SLC17A1: variants seen among roughly 807,000 people sequenced by gnomAD.
The protein encoded by SLC17A1 is sodium-dependent phosphate transport protein 1.
Under a neutral mutation model 53.5 loss-of-function variants are expected in SLC17A1, and 51 were observed. The ratio of observed to expected loss-of-function variants is 0.95; its 90% CI spans 0.76 to 1.20. The LOEUF is 1.20. Ranked by LOEUF, SLC17A1 falls within the 50% of genes most tolerant of loss-of-function variation. SLC17A1 has a pLI of 0.00. For synonymous variants in SLC17A1, 179 were observed against 198.8 expected, an observed-to-expected ratio of 0.90 and a Z score of 0.84; for missense variants, 538 against 568.2, an observed-to-expected ratio of 0.95 and a Z score of 0.54.
chr6:25,809,812 A>G (rs762212164), intron 10 of SLC17A1, among the ~76,000 whole-genome samples: 11 of 152,150 alleles, frequency 7.2e-5, no homozygotes, highest in Non-Finnish European at 1.6e-4. Flanking sequence ...AACCAAAGTA[A>G]TCTTAAACCA....
intron 12 of SLC17A1, among the ~76,000 whole-genome samples, chr6:25,788,736 G>C (rs1250110797): frequency 2.0e-5 from 3 of 152,168 alleles, no homozygotes; most frequent in Non-Finnish European, 2.9e-5. Context: ...CATCCACAAG[G>C]GGGCATCAGA....
At chr6:25,732,547 A>ACGATGC in the SLC17A1 span, 1 of 571,994 alleles carries the variant, frequency 1.7e-6, no homozygotes, top group Non-Finnish European at 3.0e-6. Context: ...AGCAAGGGCA[A>ACGATGC]CGATGCCGAG....
At chr6:25,803,216 C>A (rs572391518) in intron 10 of SLC17A1, among the ~76,000 whole-genome samples, 2 of 152,128 alleles carry the variant, frequency 1.3e-5, no homozygotes, top group African/African-American at 4.8e-5. Flanking sequence ...GGATTACAGG[C>A]GTGAGCCACC....
intron 5 of SLC17A1, 55 bp from the exon 6 acceptor site, chr6:25,819,209 GAT>G: frequency 7.9e-7 from 1 of 1,259,438 alleles, no homozygotes; most frequent in Non-Finnish European, 1.1e-6. Flanking sequence ...TGAAAGCAGA[GAT>G]AATGTAGCCT....
the SLC17A1 span, among the ~76,000 whole-genome samples, chr6:25,748,097 T>C: frequency 1.3e-5 from 2 of 152,214 alleles, no homozygotes; most frequent in Non-Finnish European, 2.9e-5. Flanking sequence ...GGGCCAAATA[T>C]ACCTTAACCT....
chr6:25,823,790 G>T (rs1483132158), intron 3 of SLC17A1, among the ~76,000 whole-genome samples: 1 of 151,854 alleles, frequency 6.6e-6, no homozygotes, highest in African/African-American at 2.4e-5. Context: ...TCAGTTTTAT[G>T]TTTGTTCTTT....
chr6:25,806,663 C>T (rs1763964470), intron 10 of SLC17A1, among the ~76,000 whole-genome samples: 1 of 151,954 alleles, frequency 6.6e-6, no homozygotes, highest in African/African-American at 2.4e-5. Context: ...GCAAAAGAAA[C>T]AAAAATAAAT....
chr6:25,775,774 A>G, the SLC17A1 span, among the ~76,000 whole-genome samples: 1 of 152,194 alleles, frequency 6.6e-6, no homozygotes, highest in Admixed American at 6.5e-5. Context: ...TGAGAATGCA[A>G]GCATACATGA....
At chr6:25,726,476 G>C in the SLC17A1 span, 20 of 1,613,744 alleles carry the variant, frequency 1.2e-5, no homozygotes, top group South Asian at 2.2e-4. Context: ...CTAGAAGAGC[G>C]AGACTTAGAC....
At chr6:25,732,230 AGGCATGGCCCT>A in the SLC17A1 span, 43 of 331,946 alleles carry the variant, frequency 1.3e-4, no homozygotes, top group South Asian at 4.4e-4. Flanking sequence ...TGATATTTAT[AGGCATGGCCCT>A]CAACCTACGT....
At chr6:25,825,098 T>C (rs1764695864) in intron 3 of SLC17A1, among the ~76,000 whole-genome samples, 1 of 151,988 alleles carries the variant, frequency 6.6e-6, no homozygotes. Context: ...TTCTAACTTA[T>C]CTGAGTCTTT....
the SLC17A1 span, among the ~76,000 whole-genome samples, chr6:25,759,873 G>A: frequency 6.6e-6 from 1 of 152,152 alleles, no homozygotes; most frequent in Non-Finnish European, 1.5e-5. Flanking sequence ...TAGCTGTATA[G>A]TATTTCAGAA....
At chr6:25,759,116 CTT>C in the SLC17A1 span, among the ~76,000 whole-genome samples, 1 of 152,106 alleles carries the variant, frequency 6.6e-6, no homozygotes, top group African/African-American at 2.4e-5. Context: ...TTGAGAGTTC[CTT>C]TTGGAGTTGA....
chr6:25,812,799 A>C (rs1303745767), intron 8 of SLC17A1, 32 bp downstream of exon 8: 1 of 1,527,864 alleles, frequency 6.5e-7, no homozygotes, highest in South Asian at 1.2e-5. Flanking sequence ...GTCTTTCGTG[A>C]AGTTAAAAAA....
At chr6:25,819,965 A>G in intron 3 of SLC17A1, 50 bp from the exon 4 acceptor site, 1 of 1,278,678 alleles carries the variant, frequency 7.8e-7, no homozygotes, top group Non-Finnish European at 1.1e-6. Flanking sequence ...TCAGAAATTT[A>G]CTGTGACATT....
the SLC17A1 span, among the ~76,000 whole-genome samples, chr6:25,745,210 A>C: frequency 6.6e-6 from 1 of 152,200 alleles, no homozygotes; most frequent in Non-Finnish European, 1.5e-5. Flanking sequence ...TATAGGTCTA[A>C]ACTGAAAATC....
chr6:25,726,641 A>G, the SLC17A1 span: 1 of 1,313,150 alleles, frequency 7.6e-7, no homozygotes, highest in South Asian at 1.4e-5. Context: ...ATGGCCGTCT[A>G]CCCAATCAGA....
the SLC17A1 span, among the ~76,000 whole-genome samples, chr6:25,733,812 G>A: frequency 3.4e-5 from 4 of 117,784 alleles, no homozygotes; most frequent in African/African-American, 1.2e-4. Context: ...GTGTATGTGT[G>A]TGTGTGTGTG....
rs773976016 is a variant in SLC17A1 at position 25,811,696 on chromosome 6, GA to G, written c.971del (p.Phe324SerfsTer3). The G allele has an allele frequency of 9.2e-5, 148 of 1,613,796 alleles. No homozygotes were observed. The highest frequency in any genetic ancestry group is 1.1e-4 in the Non-Finnish European group (135 of 1,179,824). On this transcript the variant is annotated frameshift_variant, in exon 9 of 13. Transcript: ENST00000244527. LOFTEE classifies it high-confidence loss of function. The stretch of plus-strand genomic sequence containing the variant: ...CGCTGAGAATATTCCTGGTCAGGAA[GA>G]AGTCTGATAACTGACCTGCTAGGTT... ...CGNLAGQLSD[F>X]FLTRNILSVI...
Sources: gnomAD v4.1 joint callset for allele counts (sites outside exome capture counted in the v4.1 genomes callset) on GRCh38, gnomAD v4.1.1 for gene constraint, MANE v1.5 for transcripts, NCBI Gene and HGNC (gene_info 2026-07-23, HGNC 2026-07-21) for gene names.